The following AKR1C1 variants were observed in gnomAD, a reference collection of about 807,000 sequenced individuals.
AKR1C1 encodes aldo-keto reductase family 1 member C1, also known as 20 alpha-hydroxysteroid dehydrogenase.
AKR1C1 carries 32 observed loss-of-function variants against 40.6 expected under a neutral mutation model. The ratio of observed to expected loss-of-function variants is 0.79; its 90% CI spans 0.60 to 1.06. AKR1C1 has a LOEUF of 1.06. Ranked by LOEUF, AKR1C1 falls within the 50% of genes least tolerant of loss-of-function variation. AKR1C1 has a pLI of 0.00. For synonymous variants in AKR1C1, 105 were observed against 134.2 expected (o/e 0.78, Z 1.50); for missense variants, 320 against 363.5 (o/e 0.88, Z 0.97).
At chr10:4,969,791 C>T in intron 5 of AKR1C1, 2 of 1,557,558 alleles carry the variant, frequency 1.3e-6, no homozygotes, top group Non-Finnish European at 8.8e-7. Flanking sequence ...CTACACTTTT[C>T]CCAGTAAATT....
At chr10:4,976,749 T>C (rs1554770490) in intron 8 of AKR1C1, among the ~76,000 whole-genome samples, 2 of 152,120 alleles carry the variant, frequency 1.3e-5, no homozygotes, top group Non-Finnish European at 2.9e-5. Context: ...CTGCTGGCAG[T>C]AGGGATTTCA....
Position 4,983,000 on chromosome 10 carries a change from T to A in AKR1C1, c.*5258T>A. The A allele has an allele frequency of 2.3e-6, 1 of 438,332 alleles. No individual in the cohort carries two copies. The highest frequency in any genetic ancestry group is 4.6e-6 in the Non-Finnish European group (1 of 218,358). The allele number at this position is 438,332 out of a possible 1,614,324, so 27.2% of individuals were successfully genotyped here. ...CAGCCAGGGAGTCTCAGAGTCTACG[T>A]CACTCCCCTGCCACCTCAATCAGAG... On this transcript the variant is annotated 3_prime_UTR_variant, in exon 9 of 9. Transcript: ENST00000380872.
chr10:4,968,774 T>A, intron 4 of AKR1C1, 48 bp from the exon 5 acceptor site: 1 of 1,613,890 alleles, frequency 6.2e-7, no homozygotes, highest in South Asian at 1.1e-5. Flanking sequence ...CACAGTTCTG[T>A]GTCACATTTA....
At position 4,981,126 on chromosome 10, in the gene AKR1C1, T is replaced by G. The variant is rs1554771040; in HGVS notation, c.*3384T>G. 1 of 151,708 alleles carries G rather than the reference T, an allele frequency of 6.6e-6. No homozygotes were observed. Among genetic ancestry groups the G allele is most frequent in the Non-Finnish European group, 1.5e-5 (1 of 67,666 alleles). The allele number at this position is 151,708 out of a possible 1,614,324, so 9.4% of individuals were successfully genotyped here. On this transcript the variant is annotated 3_prime_UTR_variant, in exon 9 of 9. Coordinates refer to ENST00000380872, the MANE Select transcript of AKR1C1 (RefSeq NM_001353.6). ...AATTTCAAAGAACTTTTTCTTTTGC[T>G]GAGCAGTAAGTCTTAACAGTGGGCT...
At chr10:4,972,541 AT>A (rs1411614513) in intron 6 of AKR1C1, 42 bp from the exon 7 acceptor site, 1 of 1,610,282 alleles carries the variant, frequency 6.2e-7, no homozygotes, top group Non-Finnish European at 8.5e-7. Context: ...AACAAACTGT[AT>A]CCCCAGCCTC....
rs745938587 is a variant in AKR1C1 at position 4,982,943 on chromosome 10, A to G, written c.*5201A>G. 39 of 450,330 alleles carry G rather than the reference A, an allele frequency of 8.7e-5. No homozygotes were observed. Among genetic ancestry groups the G allele is most frequent in the Non-Finnish European group, 1.6e-4 (37 of 224,822 alleles). The allele number at this position is 450,330 out of a possible 1,614,324, so 27.9% of individuals were successfully genotyped here. On this transcript the variant is annotated 3_prime_UTR_variant, in exon 9 of 9. Coordinates refer to ENST00000380872, the MANE Select transcript of AKR1C1 (RefSeq NM_001353.6). ...CAAGTTCACCGCTCGCATAACCAGC[A>G]TTCAAGAAAGCCAGCACACTAAGCC...
At chr10:4,970,611 C>A (rs1554769739) in intron 5 of AKR1C1, among the ~76,000 whole-genome samples, 1 of 151,908 alleles carries the variant, frequency 6.6e-6, no homozygotes, top group East Asian at 1.9e-4. Context: ...ACATATACAC[C>A]ATGGAATACT....
At chr10:4,968,447 A>C (rs1421629729) in intron 4 of AKR1C1, 61 bp downstream of exon 4, 16 of 1,117,768 alleles carry the variant, frequency 1.4e-5, no homozygotes, top group Non-Finnish European at 1.9e-5. Flanking sequence ...TCTGTTTCCT[A>C]TCTTCTTAGT....
At chr10:4,967,109 T>G (rs764081775) in intron 3 of AKR1C1, 66 bp downstream of exon 3, 33 of 1,481,090 alleles carry the variant, frequency 2.2e-5, no homozygotes, top group South Asian at 5.8e-5. Flanking sequence ...TTTTTATGGA[T>G]ATTTGAACTA....
In AKR1C1 at chr10:4,965,909, C is replaced by G. The variant is rs1262508720; in HGVS notation, c.85-5C>G. 6.2e-7 allele frequency: 1 copy of G among 1,613,084 alleles called. No homozygotes were observed. Among genetic ancestry groups the G allele is most frequent in the East Asian group, 2.2e-5 (1 of 44,868 alleles). ...AGAAAATACTACCTATGGTTACTCCCCCAGGTTCCTAAAAGTAAAGCTTTA... is the reference window on the plus strand; with the variant it reads ...AGAAAATACTACCTATGGTTACTCCGCCAGGTTCCTAAAAGTAAAGCTTTA... On this transcript the variant is annotated splice_polypyrimidine_tract_variant and splice_region_variant and intron_variant, in intron 1 of 8. Coordinates refer to ENST00000380872, the MANE Select transcript of AKR1C1 (RefSeq NM_001353.6).
At position 4,978,172 on chromosome 10, in the gene AKR1C1, G is replaced by T. The variant is rs1208379199; in HGVS notation, c.*430G>T. ...ATCAGTCAGTGCCTCTCTAGCTCTT[G>T]TAGGAAGAAGCACACGCAGGATGGA... On this transcript the variant is annotated 3_prime_UTR_variant, in exon 9 of 9. Transcript: ENST00000380872. The T allele has an allele frequency of 5.9e-6, 1 of 170,798 alleles. No homozygotes were observed. The highest frequency in any genetic ancestry group is 1.2e-5 in the Non-Finnish European group (1 of 83,184). The allele number at this position is 170,798 out of a possible 1,614,324, so 10.6% of individuals were successfully genotyped here.
intron 8 of AKR1C1, among the ~76,000 whole-genome samples, chr10:4,977,149 A>G (rs1836538371): frequency 6.6e-6 from 1 of 152,248 alleles, no homozygotes; most frequent in African/African-American, 2.4e-5. Flanking sequence ...ATTTCTGCCT[A>G]TAAAATGGTT....
chr10:4,974,291 T>C (rs1554770238), intron 7 of AKR1C1, among the ~76,000 whole-genome samples: 1 of 151,890 alleles, frequency 6.6e-6, no homozygotes, highest in Non-Finnish European at 1.5e-5. Context: ...TTAGATTAAC[T>C]AGAAACCATA....
intron 4 of AKR1C1, among the ~76,000 whole-genome samples, 197 bp from the exon 5 acceptor site, chr10:4,968,625 T>A (rs529045759): frequency 6.7e-4 from 102 of 152,298 alleles, no homozygotes; most frequent in African/African-American, 2.4e-3. Context: ...TTCACTAATC[T>A]CTCCAGTTTC....
chr10:4,972,123 G>A, intron 5 of AKR1C1, 78 bp from the exon 6 acceptor site: 1 of 1,586,504 alleles, frequency 6.3e-7, no homozygotes, highest in Non-Finnish European at 8.6e-7. Context: ...ACATTATTCA[G>A]CTTCTTTTAC....
At chr10:4,969,191 G>T (rs1836384942) in intron 5 of AKR1C1, among the ~76,000 whole-genome samples, 2 of 151,942 alleles carry the variant, frequency 1.3e-5, no homozygotes, top group Admixed American at 6.6e-5. Flanking sequence ...AATCAAGGAG[G>T]CCAAGGATTG....
chr10:4,974,734 G>A (rs1429974787), intron 7 of AKR1C1, among the ~76,000 whole-genome samples: 1 of 151,980 alleles, frequency 6.6e-6, no homozygotes, highest in Non-Finnish European at 1.5e-5. Context: ...AAATGTCCAT[G>A]AGCAATTATC....
chr10:4,966,161 T>A (rs1438358419), intron 2 of AKR1C1, 80 bp downstream of exon 2: 6 of 1,519,500 alleles, frequency 3.9e-6, no homozygotes, highest in Non-Finnish European at 5.3e-6. Flanking sequence ...ACTGGATCCA[T>A]AGTATAGGGT....
chr10:4,968,583 G>C (rs1325469773), intron 4 of AKR1C1, among the ~76,000 whole-genome samples, 197 bp downstream of exon 4: 1 of 152,166 alleles, frequency 6.6e-6, no homozygotes, highest in East Asian at 1.9e-4. Flanking sequence ...AGAATTGGGG[G>C]TAAGGAGGAC....
Sources: gnomAD v4.1 joint callset for allele counts (sites outside exome capture counted in the v4.1 genomes callset) on GRCh38, gnomAD v4.1.1 for gene constraint, MANE v1.5 for transcripts, NCBI Gene and HGNC (gene_info 2026-07-23, HGNC 2026-07-21) for gene names.